The following GNL3L variants were observed in gnomAD, a reference collection of about 807,000 sequenced individuals.
The protein encoded by GNL3L is guanine nucleotide-binding protein-like 3-like protein.
In GNL3L, 4 loss-of-function variants were observed where a neutral mutation model predicts 42.9. The observed-to-expected ratio is 0.09, with a 90% CI of 0.05 to 0.21. GNL3L has a LOEUF of 0.21. Ranked by LOEUF, GNL3L falls within the 10% of genes least tolerant of loss-of-function variation. GNL3L has a pLI of 1.00. For missense variants in GNL3L, 412 were observed against 481.7 expected (o/e 0.86, Z 1.36); for synonymous variants, 159 against 176.3 (o/e 0.90, Z 0.78).
chrX:54,556,958 A>C (rs1925112504), intron 14 of GNL3L, among the ~76,000 whole-genome samples: 1 of 110,685 alleles, frequency 9.0e-6, no homozygotes, highest in Admixed American at 9.6e-5. Flanking sequence ...AGGCGGGTGG[A>C]TCACCTGAGG....
intron 16 of GNL3L, among the ~76,000 whole-genome samples, chrX:54,611,021 G>A (rs1158481755): frequency 4.5e-5 from 5 of 110,577 alleles, no homozygotes; most frequent in Admixed American, 9.6e-5. Flanking sequence ...TTTCAGCCTC[G>A]CTGCTTGTTA....
Position 54,563,641 on chromosome X carries a change from C to T in GNL3L, c.*3039C>T, listed in dbSNP as rs373044617. Among the ~76,000 whole-genome samples, 1 of 108,953 alleles carries T rather than the reference C, an allele frequency of 9.2e-6. No homozygotes were observed. Among genetic ancestry groups the T allele is most frequent in the East Asian group, 2.9e-4 (1 of 3,490 alleles). 94.6% of individuals were successfully genotyped at this position (108,953 alleles called of 115,157 possible). A position where few individuals can be genotyped will look rare whatever the true frequency, so the allele number is the denominator to read the frequency against. On this transcript the variant is annotated 3_prime_UTR_variant, in exon 16 of 16. Transcript: ENST00000360845. ...TCTACCAAAAAAATACAAAGATTAG[C>T]TGGGCATGGTGTCTCATGCCTGTAG...
chrX:54,578,342 T>C (rs2075383577), intron 16 of GNL3L, among the ~76,000 whole-genome samples: 1 of 111,966 alleles, frequency 8.9e-6, no homozygotes, highest in Non-Finnish European at 1.9e-5. Context: ...TTAATTATCA[T>C]ATAGTAACAT....
At chrX:54,540,932 C>T (rs1160551543) in intron 4 of GNL3L, among the ~76,000 whole-genome samples, 1 of 111,656 alleles carries the variant, frequency 9.0e-6, no homozygotes, top group African/African-American at 3.3e-5. Flanking sequence ...GTTGAGATTA[C>T]AGGCGTGAGC....
chrX:54,580,406 A>G (rs1347851388), intron 16 of GNL3L, among the ~76,000 whole-genome samples: 6 of 110,312 alleles, frequency 5.4e-5, no homozygotes, highest in African/African-American at 1.6e-4. Context: ...TCATTGATGG[A>G]CATTTGGGTT....
At chrX:54,599,312 C>T (rs747815165) in intron 16 of GNL3L, among the ~76,000 whole-genome samples, 1 of 111,788 alleles carries the variant, frequency 8.9e-6, no homozygotes, top group Admixed American at 9.4e-5. Flanking sequence ...CAGAGGAATA[C>T]AGAAATTTAT....
At position 54,608,459 on chromosome X, in the gene GNL3L, G is replaced by A. The variant is rs376104308; in HGVS notation, c.*46-12386G>A. On this transcript the variant is annotated intron_variant, in intron 16 of 16. Coordinates refer to the GNL3L transcript ENST00000674498. ...AGATTCTGGTGCACCCTTCACCCAA[G>A]TAGTATACTCTGCAACATATTTGTA... Among the ~76,000 whole-genome samples, 64 of 110,853 alleles carry A rather than the reference G, an allele frequency of 5.8e-4. 1 individual carries two copies. The East Asian group carries it at 8.2e-3, about 14-fold the overall frequency.
chrX:54,601,708 C>T (rs1926006651), intron 16 of GNL3L, among the ~76,000 whole-genome samples: 1 of 111,801 alleles, frequency 8.9e-6, no homozygotes, highest in African/African-American at 3.2e-5. Context: ...AACCAGGATA[C>T]AGAACAGTAC....
At chrX:54,555,073 C>T (rs778642230) in intron 14 of GNL3L, among the ~76,000 whole-genome samples, 17 of 108,590 alleles carry the variant, frequency 1.6e-4, no homozygotes, top group South Asian at 4.0e-4. Context: ...AGTGCAGTGG[C>T]GTGATCTTGG....
chrX:54,612,640 C>T (rs1222070872), intron 16 of GNL3L, among the ~76,000 whole-genome samples: 1 of 111,571 alleles, frequency 9.0e-6, no homozygotes, highest in African/African-American at 3.3e-5. Context: ...TGAATTCTCT[C>T]AGCATTTGTT....
chrX:54,539,724 C>T (rs1468916267), intron 3 of GNL3L, among the ~76,000 whole-genome samples: 2 of 111,664 alleles, frequency 1.8e-5, no homozygotes, highest in Non-Finnish European at 3.8e-5. Flanking sequence ...TTCCCAGGTG[C>T]TGCTGCTACT....
At chrX:54,607,046 TTCTTTCTTTCTTTCTTTCTTTCTTTC>T (rs1926083488) in intron 16 of GNL3L, among the ~76,000 whole-genome samples, 2 of 71,241 alleles carry the variant, frequency 2.8e-5, no homozygotes, top group African/African-American at 8.9e-5. Context: ...CTTTCTTTCT[TTCTTTCTTTCTTTCTTTCTTTCTTTC>T]TCTTTCTTTC....
At chrX:54,609,866 T>C (rs1443870223) in intron 16 of GNL3L, among the ~76,000 whole-genome samples, 1 of 111,809 alleles carries the variant, frequency 8.9e-6, no homozygotes, top group Non-Finnish European at 1.9e-5. Flanking sequence ...TTTAGCATTG[T>C]TTTTTCTAAT....
chrX:54,579,594 T>C, intron 16 of GNL3L, among the ~76,000 whole-genome samples: 1 of 111,661 alleles, frequency 9.0e-6, no homozygotes, highest in East Asian at 2.8e-4. Flanking sequence ...GGTCTTGCTA[T>C]GTGGCACAGG....
chrX:54,625,808 A>C (rs934492833), downstream of GNL3L, among the ~76,000 whole-genome samples: 1 of 111,511 alleles, frequency 9.0e-6, no homozygotes, highest in African/African-American at 3.3e-5. Context: ...CACTGTATCA[A>C]AATTTTCGGA....
intron 8 of GNL3L, among the ~76,000 whole-genome samples, chrX:54,544,639 T>G (rs1924722213): frequency 9.1e-6 from 1 of 109,582 alleles, no homozygotes; most frequent in Non-Finnish European, 1.9e-5. Flanking sequence ...CCTGCTAATT[T>G]TTGTAATTTT....
chrX:54,552,047 A>G (rs1924958631), intron 12 of GNL3L, 73 bp downstream of exon 12: 4 of 1,111,050 alleles, frequency 3.6e-6, no homozygotes, highest in Non-Finnish European at 4.9e-6. Context: ...ATCTGTGCTC[A>G]TTGCCGCTGG....
At chrX:54,537,217 T>A (rs1378321167) in intron 2 of GNL3L, among the ~76,000 whole-genome samples, 1 of 109,159 alleles carries the variant, frequency 9.2e-6, no homozygotes, top group African/African-American at 3.3e-5. Context: ...ATAGACAAGG[T>A]CTCACTATGT....
intron 16 of GNL3L, among the ~76,000 whole-genome samples, chrX:54,573,388 A>G (rs1925587022): frequency 1.8e-5 from 2 of 112,328 alleles, no homozygotes; most frequent in Non-Finnish European, 3.8e-5. Flanking sequence ...CACCAAAAAA[A>G]TACGAAAACC....
Sources: allele counts gnomAD v4.1 joint callset (sites outside exome capture counted in the v4.1 genomes callset), GRCh38; gene constraint gnomAD v4.1.1; transcripts MANE v1.5; gene names NCBI Gene and HGNC (gene_info 2026-07-23, HGNC 2026-07-21).